The following FAF1 variants were observed in gnomAD, a reference collection of about 807,000 sequenced individuals.
FAF1 encodes the protein FAS-associated factor 1.
In FAF1, 25 loss-of-function variants were observed where a neutral mutation model predicts 92.5. The observed-to-expected ratio is 0.27, with a 90% confidence interval of 0.20 to 0.38. FAF1 has a LOEUF of 0.38. FAF1 is among the 10% of genes least tolerant of loss of function. The pLI is 1.00. For synonymous variants in FAF1, 234 were observed against 273.2 expected, an observed-to-expected ratio of 0.86 and a Z score of 1.42; for missense variants, 636 against 793.3, an observed-to-expected ratio of 0.80 and a Z score of 2.38.
intron 8 of FAF1, among the ~76,000 whole-genome samples, chr1:50,596,910 T>C (rs2124084636): frequency 6.6e-6 from 1 of 152,290 alleles, no homozygotes; most frequent in African/African-American, 2.4e-5. Context: ...GTATTAAAAG[T>C]CCTTATAAAC....
At chr1:50,595,746 T>C (rs1473103692) in intron 9 of FAF1, among the ~76,000 whole-genome samples, 4 of 152,046 alleles carry the variant, frequency 2.6e-5, no homozygotes, top group Non-Finnish European at 5.9e-5. Context: ...TTTTACTATG[T>C]TGGCCAGGCT....
chr1:50,958,716 G>A (rs1645291050), intron 1 of FAF1, among the ~76,000 whole-genome samples: 3 of 151,578 alleles, frequency 2.0e-5, no homozygotes, highest in Admixed American at 6.6e-5. Flanking sequence ...AAAAAAATAA[G>A]GAACTTAATA....
chr1:50,470,769 T>G (rs987120943), intron 18 of FAF1: 2 of 152,234 alleles, frequency 1.3e-5, no homozygotes, highest in Non-Finnish European at 2.9e-5. Context: ...TCAAGTAAGT[T>G]GTCCAATGTT....
chr1:50,697,517 T>C (rs1657284810), intron 7 of FAF1, among the ~76,000 whole-genome samples: 1 of 152,186 alleles, frequency 6.6e-6, no homozygotes, highest in African/African-American at 2.4e-5. Context: ...CAGGGCCGTA[T>C]ATAGGAACAG....
intron 7 of FAF1, among the ~76,000 whole-genome samples, chr1:50,681,518 T>C (rs995892747): frequency 1.3e-5 from 2 of 152,098 alleles, no homozygotes; most frequent in Admixed American, 6.6e-5. Flanking sequence ...CTTTCTTTTC[T>C]TTTTTTGAGA....
rs145057250 is a variant in FAF1 at position 50,798,830 on chromosome 1, T to G, written c.161+2801A>C. Among the ~76,000 whole-genome samples, 58 of 152,358 alleles carry G rather than the reference T, an allele frequency of 3.8e-4. 2 individuals are homozygous for G. The East Asian group carries it at 0.01, about 27-fold the overall frequency. ...AAACCAAGCTGTGGAAGACAGACAT[T>G]ATGTACATGTATTGGATTTCACCTT... On this transcript the variant is annotated intron_variant, in intron 3 of 18. Transcript: ENST00000396153.
At position 50,867,889 on chromosome 1, in the gene FAF1, G is replaced by A. The variant is rs1449547628; in HGVS notation, c.46-9892C>T. ...AAAGACTCTTGCACACACGTTTATA[G>A]CAGCACAATTTGCAATTACAAAAAT... On this transcript the variant is annotated intron_variant, in intron 1 of 18. Coordinates refer to ENST00000396153, the MANE Select transcript of FAF1 (RefSeq NM_007051.3). Among the ~76,000 whole-genome samples the A allele has an allele frequency of 4.6e-5, 7 of 152,110 alleles. No homozygotes were observed. In the East Asian group the frequency reaches 1.2e-3, roughly 25 times the overall value.
At chr1:50,516,772 A>G (rs1175247478) in intron 15 of FAF1, among the ~76,000 whole-genome samples, 1 of 152,238 alleles carries the variant, frequency 6.6e-6, no homozygotes, top group Non-Finnish European at 1.5e-5. Context: ...ACAGCTATAC[A>G]TTCAAATTTA....
Position 50,798,091 on chromosome 1 carries a change from G to A in FAF1, c.161+3540C>T, listed in dbSNP as rs369168116. Among the ~76,000 whole-genome samples the A allele has an allele frequency of 2.9e-4, 43 of 150,536 alleles. No homozygotes were observed. The South Asian group carries it at 4.8e-3, about 17-fold the overall frequency. On this transcript the variant is annotated intron_variant, in intron 3 of 18. Coordinates refer to ENST00000396153, the MANE Select transcript of FAF1 (RefSeq NM_007051.3). ...CTCCTTAAAAAAAAAAAAAAACTCC[G>A]CATTTATTTTAGAGATAAACTTGTG...
intron 1 of FAF1, among the ~76,000 whole-genome samples, chr1:50,895,656 A>G (rs578027357): frequency 4.9e-4 from 74 of 152,284 alleles, no homozygotes; most frequent in African/African-American, 1.8e-3. Flanking sequence ...AAATACTAAC[A>G]AACTGAATTC....
At chr1:50,575,459 T>A (rs1405274966) in intron 12 of FAF1, among the ~76,000 whole-genome samples, 1 of 152,226 alleles carries the variant, frequency 6.6e-6, no homozygotes, top group Admixed American at 6.5e-5. Flanking sequence ...ATAGATTTTT[T>A]TAAAAATCAC....
chr1:50,622,453 C>T (rs2124180660), intron 8 of FAF1, among the ~76,000 whole-genome samples: 1 of 152,276 alleles, frequency 6.6e-6, no homozygotes, highest in East Asian at 1.9e-4. Context: ...CCAAATTATG[C>T]TGACTTGATG....
At chr1:50,502,741 T>A (rs1432427166) in intron 15 of FAF1, among the ~76,000 whole-genome samples, 1 of 152,098 alleles carries the variant, frequency 6.6e-6, no homozygotes, top group African/African-American at 2.4e-5. Flanking sequence ...CTTTCTTAGG[T>A]GTATGTGTGC....
chr1:50,605,291 T>C (rs1652323901), intron 8 of FAF1, among the ~76,000 whole-genome samples: 1 of 152,200 alleles, frequency 6.6e-6, no homozygotes, highest in Non-Finnish European at 1.5e-5. Context: ...CATTACTTAT[T>C]GATTTTAGTG....
At chr1:50,677,618 G>C (rs34497632) in intron 7 of FAF1, among the ~76,000 whole-genome samples, 8 of 152,062 alleles carry the variant, frequency 5.3e-5, no homozygotes, top group African/African-American at 1.9e-4. Context: ...ATTGGGGCTG[G>C]ACACGGTGGC....
In FAF1 at chr1:50,551,705, T is replaced by C. The variant is rs1462589227; in HGVS notation, c.1269-11977A>G. ...ACTATCTGGATTTCAGTAAGGCATATAATAAGGTGTTCCAAAAGATCCTTT... is the reference window on the plus strand; with the variant it reads ...ACTATCTGGATTTCAGTAAGGCATACAATAAGGTGTTCCAAAAGATCCTTT... On this transcript the variant is annotated intron_variant, in intron 13 of 18. Coordinates refer to ENST00000396153, the MANE Select transcript of FAF1 (RefSeq NM_007051.3). 2.7e-4 allele frequency among the ~76,000 whole-genome samples: 40 copies of C among 150,938 alleles called. No homozygotes were observed. In the Admixed American group the frequency reaches 2.7e-3, roughly 10 times the overall value.
intron 13 of FAF1, among the ~76,000 whole-genome samples, chr1:50,561,656 T>C (rs1036478452): frequency 6.6e-6 from 1 of 152,122 alleles, no homozygotes; most frequent in Non-Finnish European, 1.5e-5. Context: ...TGAAACCCCA[T>C]CTCTACCAAA....
At chr1:50,590,504 T>C (rs930819215) in intron 9 of FAF1, among the ~76,000 whole-genome samples, 2 of 152,250 alleles carry the variant, frequency 1.3e-5, no homozygotes, top group African/African-American at 2.4e-5. Context: ...ATCTTGGTAT[T>C]TTGCTGAATT....
At chr1:50,822,482 G>A (rs978915955) in intron 2 of FAF1, among the ~76,000 whole-genome samples, 10 of 152,116 alleles carry the variant, frequency 6.6e-5, no homozygotes, top group Non-Finnish European at 1.2e-4. Flanking sequence ...ATAAAAGAAA[G>A]GTGTTTTGTG....
Sources: allele counts gnomAD v4.1 joint callset (sites outside exome capture counted in the v4.1 genomes callset), GRCh38; gene constraint gnomAD v4.1.1; transcripts MANE v1.5; gene names NCBI Gene and HGNC (gene_info 2026-07-23, HGNC 2026-07-21).